DLGAP1: variants seen among roughly 807,000 people sequenced by gnomAD.
DLGAP1 encodes DLG associated protein 1.
A neutral mutation model predicts 90.8 loss-of-function variants in DLGAP1; 11 were observed. That is an observed-to-expected ratio of 0.12 (90% CI 0.08 to 0.20). DLGAP1 has a LOEUF of 0.20. Ranked by LOEUF, DLGAP1 falls within the 10% of genes least tolerant of loss-of-function variation. The probability of loss-of-function intolerance (pLI) is 1.00; values close to 1 mark genes in which losing one functional copy is unlikely to be tolerated. For synonymous variants in DLGAP1, 558 were observed against 540.7 expected (o/e 1.03, Z -0.44); for missense variants, 1,050 against 1,333.8 (o/e 0.79, Z 3.31).
intron 2 of DLGAP1, among the ~76,000 whole-genome samples, chr18:4,088,535 T>C (rs1177166413): frequency 3.3e-5 from 5 of 152,236 alleles, no homozygotes; most frequent in African/African-American, 4.8e-5. Flanking sequence ...AGATTGTTTC[T>C]GCCTAATGAG....
intron 1 of DLGAP1, among the ~76,000 whole-genome samples, chr18:4,301,763 A>T (rs1380776806): frequency 6.6e-6 from 1 of 152,200 alleles, no homozygotes; most frequent in Non-Finnish European, 1.5e-5. Flanking sequence ...TATCCCACTA[A>T]CAGTGTACAA....
chr18:3,892,139 A>G (rs2148859941), intron 3 of DLGAP1: 1 of 149,370 alleles, frequency 6.7e-6, no homozygotes, highest in Admixed American at 6.6e-5. Context: ...ACACACACAC[A>G]CACACACACA....
intron 8 of DLGAP1, chr18:3,580,840 G>T (rs540221801): frequency 9.2e-6 from 13 of 1,411,350 alleles, no homozygotes; most frequent in Admixed American, 5.8e-5. Flanking sequence ...AAAATAAAAG[G>T]CTCTGCCCCC....
chr18:4,181,794 G>A (rs758313695), intron 1 of DLGAP1, among the ~76,000 whole-genome samples: 1 of 151,764 alleles, frequency 6.6e-6, no homozygotes, highest in Non-Finnish European at 1.5e-5. Context: ...TACAGCTTTC[G>A]GTAGATAATG....
chr18:4,248,782 A>C (rs2078711327), intron 1 of DLGAP1: 1 of 152,298 alleles, frequency 6.6e-6, no homozygotes, highest in Non-Finnish European at 1.5e-5. Context: ...TTTCTTAAAA[A>C]CCTACCGAAT....
chr18:3,982,410 C>T (rs1320142089), intron 3 of DLGAP1, among the ~76,000 whole-genome samples: 2 of 152,076 alleles, frequency 1.3e-5, no homozygotes, highest in East Asian at 3.9e-4. Context: ...ACGGAAGTGA[C>T]AAGATACAAT....
chr18:4,445,393 C>T (rs993164600), intron 1 of DLGAP1, among the ~76,000 whole-genome samples: 15 of 151,452 alleles, frequency 9.9e-5, no homozygotes, highest in Non-Finnish European at 1.6e-4. Context: ...GTGCGCTGCA[C>T]CCACTAACTC....
In DLGAP1 at chr18:4,259,546, C is replaced by T. The variant is rs150408433; in HGVS notation, c.-266-108259G>A. ...ATTACATATTCAGCAGTTGTAGTGG[C>T]GAGGCTTAGTTTCTGGGTCTGCATC... On this transcript the variant is annotated intron_variant, in intron 1 of 12. Coordinates refer to ENST00000315677, the MANE Select transcript of DLGAP1 (RefSeq NM_004746.4). 1.0e-3 allele frequency among the ~76,000 whole-genome samples: 153 copies of T among 152,162 alleles called. 1 individual carries two copies. The highest frequency in any genetic ancestry group is 3.2e-3 in the African/African-American group (133 of 41,516).
chr18:3,688,867 G>A (rs2060799324), intron 7 of DLGAP1, among the ~76,000 whole-genome samples: 1 of 151,948 alleles, frequency 6.6e-6, no homozygotes, highest in Non-Finnish European at 1.5e-5. Context: ...AGAACCCTCC[G>A]AGGCCCTTTA....
At chr18:4,185,249 T>A (rs2077271846) in intron 1 of DLGAP1, among the ~76,000 whole-genome samples, 1 of 143,844 alleles carries the variant, frequency 7.0e-6, no homozygotes, top group South Asian at 2.2e-4. Flanking sequence ...AAGATTTTCA[T>A]GAAGTATTTG....
chr18:4,083,648 T>C (rs2075643274), intron 2 of DLGAP1, among the ~76,000 whole-genome samples: 1 of 152,212 alleles, frequency 6.6e-6, no homozygotes, highest in Non-Finnish European at 1.5e-5. Flanking sequence ...AGTTACTTCG[T>C]GAAACTAGAA....
At chr18:3,784,207 C>G (rs1019444830) in intron 5 of DLGAP1, among the ~76,000 whole-genome samples, 1 of 152,134 alleles carries the variant, frequency 6.6e-6, no homozygotes, top group East Asian at 1.9e-4. Flanking sequence ...AGCCCCCAAG[C>G]CATTGTTTGT....
At chr18:3,883,891 G>A (rs1324360289) in intron 3 of DLGAP1, among the ~76,000 whole-genome samples, 3 of 152,126 alleles carry the variant, frequency 2.0e-5, no homozygotes, top group East Asian at 3.8e-4. Context: ...ACCTTCTGCC[G>A]TTCTACCTGT....
intron 7 of DLGAP1, among the ~76,000 whole-genome samples, chr18:3,583,806 G>C (rs1396887830): frequency 1.3e-5 from 2 of 152,152 alleles, no homozygotes; most frequent in Non-Finnish European, 2.9e-5. Context: ...AAATTAGCCG[G>C]GTGTGGTGGT....
At chr18:3,642,852 C>A (rs1283345930) in intron 7 of DLGAP1, among the ~76,000 whole-genome samples, 1 of 152,158 alleles carries the variant, frequency 6.6e-6, no homozygotes. Flanking sequence ...GGTGGGAGTA[C>A]AAAAGGTACA....
At position 3,663,219 on chromosome 18, in the gene DLGAP1, C is replaced by A. The variant is rs140589551; in HGVS notation, c.1591+65916G>T. 9.1e-3 allele frequency among the ~76,000 whole-genome samples: 1,379 copies of A among 151,594 alleles called. 67 individuals carry two copies. In the East Asian group the frequency reaches 0.16, roughly 17 times the overall value. Reference sequence around the variant, plus strand: ...CTGGGAGGTGGAGGTTGTAGTGAGCCGAGATCATGCCATTGTACTTCAGCC... The same window carrying A: ...CTGGGAGGTGGAGGTTGTAGTGAGCAGAGATCATGCCATTGTACTTCAGCC... On this transcript the variant is annotated intron_variant, in intron 7 of 12. Coordinates refer to ENST00000315677, the MANE Select transcript of DLGAP1 (RefSeq NM_004746.4).
At chr18:3,890,961 T>G (rs1383142892) in intron 3 of DLGAP1, among the ~76,000 whole-genome samples, 3 of 152,238 alleles carry the variant, frequency 2.0e-5, no homozygotes, top group African/African-American at 7.2e-5. Context: ...AGTCTTTGAC[T>G]GTACTGAGCA....
chr18:3,944,122 T>A (rs777465188), intron 3 of DLGAP1, among the ~76,000 whole-genome samples: 3 of 152,214 alleles, frequency 2.0e-5, no homozygotes, highest in Non-Finnish European at 2.9e-5. Flanking sequence ...GACGTGTGTG[T>A]GTCTGTGTGT....
chr18:3,835,140 G>A (rs1005029511), intron 4 of DLGAP1, among the ~76,000 whole-genome samples: 1 of 152,136 alleles, frequency 6.6e-6, no homozygotes, highest in Admixed American at 6.5e-5. Flanking sequence ...TTTTCAATGA[G>A]ATAAAATAGC....
Sources: allele counts gnomAD v4.1 joint callset (sites outside exome capture counted in the v4.1 genomes callset), GRCh38; gene constraint gnomAD v4.1.1; transcripts MANE v1.5; gene names NCBI Gene and HGNC (gene_info 2026-07-23, HGNC 2026-07-21).